The following SORCS2 variants were observed in gnomAD, a reference collection of about 807,000 sequenced individuals.
The protein encoded by SORCS2 is VPS10 domain-containing receptor SorCS2.
A neutral mutation model predicts 141.6 loss-of-function variants in SORCS2; 100 were observed. That is an observed-to-expected ratio of 0.71 (90% CI 0.60 to 0.83). The LOEUF is 0.83. Among genes scored for constraint, SORCS2 ranks in the 40% least tolerant of loss-of-function variants. SORCS2 has a pLI of 0.00. For synonymous variants in SORCS2, 789 were observed against 676.9 expected, an observed-to-expected ratio of 1.17 and a Z score of -2.57; for missense variants, 1,646 against 1,560.2, an observed-to-expected ratio of 1.05 and a Z score of -0.93.
Position 7,725,147 on chromosome 4 carries a change from C to T in SORCS2, c.2612-7C>T, listed in dbSNP as rs368054455. ...CATCTAACCCTGGCCTTTTTGGGTC[C>T]CCACAGCCCCCCTGCAGGCCCTCTA... On this transcript the variant is annotated splice_polypyrimidine_tract_variant and splice_region_variant and intron_variant, in intron 19 of 26. Coordinates refer to ENST00000507866, the MANE Select transcript of SORCS2 (RefSeq NM_020777.3). 2 of 1,610,972 alleles carry T rather than the reference C, an allele frequency of 1.2e-6. No individual in the cohort carries two copies. The highest frequency in any genetic ancestry group is 2.7e-5 in the African/African-American group (2 of 74,732).
At chr4:7,305,939 A>G (rs1267477535) in intron 1 of SORCS2, among the ~76,000 whole-genome samples, 1 of 152,176 alleles carries the variant, frequency 6.6e-6, no homozygotes, top group Non-Finnish European at 1.5e-5. Context: ...GCTGGGGGCT[A>G]TGCTGCTGAA....
intron 8 of SORCS2, among the ~76,000 whole-genome samples, chr4:7,674,578 TAAA>T (rs377431157): frequency 1.2e-4 from 10 of 82,572 alleles, no homozygotes; most frequent in African/African-American, 3.1e-4. Flanking sequence ...TGTCTCAAAA[TAAA>T]AAAAAAAAAA....
chr4:7,628,582 G>A (rs540100355), intron 3 of SORCS2, among the ~76,000 whole-genome samples: 3 of 151,764 alleles, frequency 2.0e-5, no homozygotes, highest in Non-Finnish European at 4.4e-5. Context: ...CAGCAGCACT[G>A]AGCTCGTGGC....
chr4:7,635,863 G>C (rs996422008), intron 3 of SORCS2, among the ~76,000 whole-genome samples: 1 of 152,224 alleles, frequency 6.6e-6, no homozygotes, highest in Non-Finnish European at 1.5e-5. Flanking sequence ...TGGCAGAGCA[G>C]GGTTTTGTGC....
chr4:7,511,197 G>A (rs1398118758), intron 2 of SORCS2, among the ~76,000 whole-genome samples: 1 of 152,112 alleles, frequency 6.6e-6, no homozygotes, highest in Non-Finnish European at 1.5e-5. Flanking sequence ...CAGTGAGATG[G>A]AGGAATGACA....
chr4:7,462,157 G>C (rs1729353123), intron 2 of SORCS2, among the ~76,000 whole-genome samples: 1 of 152,218 alleles, frequency 6.6e-6, no homozygotes, highest in Non-Finnish European at 1.5e-5. Context: ...GCTCCGAGGT[G>C]GGGAGACGAG....
intron 1 of SORCS2, among the ~76,000 whole-genome samples, chr4:7,295,870 A>T (rs966662974): frequency 1.3e-5 from 2 of 152,218 alleles, no homozygotes; most frequent in Non-Finnish European, 2.9e-5. Flanking sequence ...TGCCCAGCAC[A>T]CAGTAGGTGA....
chr4:7,563,614 C>T (rs1714756773), intron 3 of SORCS2, among the ~76,000 whole-genome samples: 1 of 152,194 alleles, frequency 6.6e-6, no homozygotes, highest in Non-Finnish European at 1.5e-5. Context: ...GGAGCACGTT[C>T]CTTGACAAGA....
intron 2 of SORCS2, chr4:7,433,848 G>T: frequency 6.2e-7 from 1 of 1,613,888 alleles, no homozygotes; most frequent in Non-Finnish European, 8.5e-7. Flanking sequence ...CCAAGGAGGG[G>T]CTGTAGGTGT....
At chr4:7,470,298 C>A (rs1031048761) in intron 2 of SORCS2, among the ~76,000 whole-genome samples, 1 of 151,936 alleles carries the variant, frequency 6.6e-6, no homozygotes, top group African/African-American at 2.4e-5. Context: ...CCCTTCCATC[C>A]ATCTACATAT....
At chr4:7,314,628 C>T (rs558007257) in intron 1 of SORCS2, among the ~76,000 whole-genome samples, 3 of 151,990 alleles carry the variant, frequency 2.0e-5, no homozygotes, top group East Asian at 2.0e-4. Context: ...CGTGAGCCAC[C>T]GCACCCGGCC....
At chr4:7,595,581 C>G (rs1399699832) in intron 3 of SORCS2, among the ~76,000 whole-genome samples, 1 of 150,788 alleles carries the variant, frequency 6.6e-6, no homozygotes, top group East Asian at 2.0e-4. Context: ...GTTCTTGTCA[C>G]TCTTGTCACT....
At chr4:7,728,280 C>A in intron 21 of SORCS2, 70 bp from the exon 22 acceptor site, 1 of 1,176,734 alleles carries the variant, frequency 8.5e-7, no homozygotes, top group Non-Finnish European at 1.2e-6. Context: ...CTGCCCCCGA[C>A]CCCCACCCTG....
intron 2 of SORCS2, among the ~76,000 whole-genome samples, chr4:7,515,571 C>T (rs1186204297): frequency 3.3e-5 from 5 of 152,368 alleles, no homozygotes; most frequent in Non-Finnish European, 7.4e-5. Context: ...GGCCTGGACA[C>T]CGTCCATCCT....
At chr4:7,336,183 C>T (rs1719976361) in intron 1 of SORCS2, among the ~76,000 whole-genome samples, 1 of 152,232 alleles carries the variant, frequency 6.6e-6, no homozygotes, top group Non-Finnish European at 1.5e-5. Context: ...TGCCCCTGCC[C>T]TGCGTCCTGG....
Position 7,741,306 on chromosome 4 carries a change from G to T in SORCS2, c.*1042G>T. 1 of 399,068 alleles carries T rather than the reference G, an allele frequency of 2.5e-6. No homozygotes were observed. Among genetic ancestry groups the T allele is most frequent in the South Asian group, 1.3e-4 (1 of 7,846 alleles). 24.7% of individuals were successfully genotyped at this position (399,068 alleles called of 1,614,324 possible). A position where few individuals can be genotyped will look rare whatever the true frequency, so the allele number is the denominator to read the frequency against. The stretch of plus-strand genomic sequence containing the variant: ...CAAGAAGGGGAAACTGAGGCCCAGG[G>T]AGGAGAGTAACTGAAGGTCACAGCA... On this transcript the variant is annotated 3_prime_UTR_variant, in exon 27 of 27. Transcript: ENST00000507866.
intron 3 of SORCS2, among the ~76,000 whole-genome samples, chr4:7,548,503 T>G (rs1048322338): frequency 6.6e-6 from 1 of 151,534 alleles, no homozygotes; most frequent in Non-Finnish European, 1.5e-5. Context: ...GTCAGGGGGG[T>G]TGGTGGCATA....
At chr4:7,515,696 T>A (rs1732931336) in intron 2 of SORCS2, among the ~76,000 whole-genome samples, 1 of 152,184 alleles carries the variant, frequency 6.6e-6, no homozygotes, top group African/African-American at 2.4e-5. Flanking sequence ...CGGACCAGTT[T>A]CTGCTGCATG....
chr4:7,672,658 T>C (rs1361539260), intron 8 of SORCS2, among the ~76,000 whole-genome samples: 1 of 152,126 alleles, frequency 6.6e-6, no homozygotes, highest in Non-Finnish European at 1.5e-5. Flanking sequence ...CAGTCTCACT[T>C]CCTCACTCCT....
Sources: allele counts gnomAD v4.1 joint callset (sites outside exome capture counted in the v4.1 genomes callset), GRCh38; gene constraint gnomAD v4.1.1; transcripts MANE v1.5; gene names NCBI Gene and HGNC (gene_info 2026-07-23, HGNC 2026-07-21).